RSF1: variants seen among roughly 807,000 people sequenced by gnomAD.
The protein encoded by RSF1 is HBV pX-associated protein 8.
A neutral mutation model predicts 145.2 loss-of-function variants in RSF1; 13 were observed. That is an observed-to-expected ratio of 0.09 (90% CI 0.06 to 0.14). The LOEUF is 0.14. Among genes scored for constraint, RSF1 ranks in the 10% least tolerant of loss-of-function variants. The probability of loss-of-function intolerance (pLI) is 1.00; values close to 1 mark genes in which losing one functional copy is unlikely to be tolerated. For synonymous variants in RSF1, 577 were observed against 592.6 expected, an observed-to-expected ratio of 0.97 and a Z score of 0.38; for missense variants, 1,517 against 1,718.2, an observed-to-expected ratio of 0.88 and a Z score of 2.07.
chr11:77,828,513 A>G, the RSF1 span, among the ~76,000 whole-genome samples: 7 of 151,588 alleles, frequency 4.6e-5, no homozygotes, highest in Non-Finnish European at 8.8e-5. Flanking sequence ...TAAAAATACA[A>G]AAACAAAATT....
At chr11:77,673,409 A>G (rs536062805) in intron 14 of RSF1, among the ~76,000 whole-genome samples, 1 of 152,330 alleles carries the variant, frequency 6.6e-6, no homozygotes, top group South Asian at 2.1e-4. Flanking sequence ...CAAGCTTGTT[A>G]TTCTTTTGTG....
the RSF1 span, among the ~76,000 whole-genome samples, chr11:77,836,078 G>A: frequency 6.6e-6 from 1 of 152,088 alleles, no homozygotes; most frequent in African/African-American, 2.4e-5. Flanking sequence ...TCTTGATGTT[G>A]TTGAGATAAC....
At chr11:77,755,372 T>A (rs1948105477) in intron 2 of RSF1, among the ~76,000 whole-genome samples, 1 of 152,152 alleles carries the variant, frequency 6.6e-6, no homozygotes, top group African/African-American at 2.4e-5. Context: ...GACCCCTGGA[T>A]TTATCAAGGT....
At position 77,716,629 on chromosome 11, in the gene RSF1, G is replaced by A. The variant is rs1240134871; in HGVS notation, c.733+8916C>T. 5.3e-5 allele frequency among the ~76,000 whole-genome samples: 8 copies of A among 152,122 alleles called. No homozygotes were observed. In the East Asian group the frequency reaches 5.8e-4, roughly 11 times the overall value. ...GGGACTGAAGGTGTGGGGAGATGCT[G>A]GTCAAAAGATAAAAACTTTCAGTTA... On this transcript the variant is annotated intron_variant, in intron 5 of 15. Transcript: ENST00000308488.
chr11:77,818,893 T>A (rs1328166732), intron 1 of RSF1, among the ~76,000 whole-genome samples: 1 of 152,266 alleles, frequency 6.6e-6, no homozygotes, highest in Non-Finnish European at 1.5e-5. Context: ...CTTTATATAA[T>A]GTAATTAGTC....
rs117545316 is a variant in RSF1, at chr11:77,767,187, T to C, written c.188-2498A>G. Reference sequence around the variant, plus strand: ...GTTGTATAAATATAAAATACTTTTATTTCTCTTCTGTTTTAAAACCAAGGT... The same window carrying C: ...GTTGTATAAATATAAAATACTTTTACTTCTCTTCTGTTTTAAAACCAAGGT... On this transcript the variant is annotated intron_variant, in intron 1 of 15. Coordinates refer to ENST00000308488, the MANE Select transcript of RSF1 (RefSeq NM_016578.4). 2.4e-4 allele frequency among the ~76,000 whole-genome samples: 36 copies of C among 152,334 alleles called. No individual in the cohort carries two copies. In the East Asian group the frequency reaches 6.4e-3, roughly 27 times the overall value.
At chr11:77,848,647 A>C in the RSF1 span, among the ~76,000 whole-genome samples, 1 of 152,210 alleles carries the variant, frequency 6.6e-6, no homozygotes, top group African/African-American at 2.4e-5. Flanking sequence ...AGTGTGAGCC[A>C]CCGTGCCTGG....
chr11:77,827,733 C>T, the RSF1 span, among the ~76,000 whole-genome samples: 3 of 152,080 alleles, frequency 2.0e-5, no homozygotes, highest in South Asian at 6.2e-4. Flanking sequence ...TTGCTATATC[C>T]ACTTACATTT....
chr11:77,781,365 T>A (rs1163985284), intron 1 of RSF1, among the ~76,000 whole-genome samples: 4 of 152,162 alleles, frequency 2.6e-5, no homozygotes, highest in African/African-American at 9.7e-5. Flanking sequence ...TTGCAAAATG[T>A]TAGAATTACA....
chr11:77,830,635 C>A, the RSF1 span, among the ~76,000 whole-genome samples: 1 of 151,974 alleles, frequency 6.6e-6, no homozygotes, highest in Non-Finnish European at 1.5e-5. Context: ...CGCGTTTGCC[C>A]CCCTTTATTC....
rs377229559 is a variant in RSF1 at position 77,666,914 on chromosome 11, G to C, written c.*3C>G. The C allele has an allele frequency of 2.5e-5, 39 of 1,529,418 alleles. No individual in the cohort carries two copies. The highest frequency in any genetic ancestry group is 1.8e-4 in the African/African-American group (13 of 72,398). 94.7% of individuals were successfully genotyped at this position (1,529,418 alleles called of 1,614,324 possible). A position where few individuals can be genotyped will look rare whatever the true frequency, so the allele number is the denominator to read the frequency against. On this transcript the variant is annotated 3_prime_UTR_variant, in exon 16 of 16. Coordinates refer to ENST00000308488, the MANE Select transcript of RSF1 (RefSeq NM_016578.4). ...AAATTAGCACAAAAATGGAAAAAAA[G>C]TCTTATAACTGTTCACTGTTACAGA...
chr11:77,736,738 C>T (rs962674893), intron 4 of RSF1, among the ~76,000 whole-genome samples: 4 of 152,070 alleles, frequency 2.6e-5, no homozygotes, highest in Non-Finnish European at 2.9e-5. Context: ...AATTACCATC[C>T]GTCCCCAGAA....
intron 5 of RSF1, among the ~76,000 whole-genome samples, chr11:77,719,340 A>G (rs774780736): frequency 5.3e-5 from 8 of 152,230 alleles, no homozygotes; most frequent in Non-Finnish European, 8.8e-5. Context: ...TTATTCCAAA[A>G]TTGATAAAGA....
chr11:77,793,973 A>C (rs940229908), intron 1 of RSF1, among the ~76,000 whole-genome samples: 1 of 152,352 alleles, frequency 6.6e-6, no homozygotes, highest in Non-Finnish European at 1.5e-5. Context: ...GGATGAATCC[A>C]GCAAAAGGAT....
At chr11:77,733,938 A>G (rs970508162) in intron 4 of RSF1, among the ~76,000 whole-genome samples, 3 of 152,168 alleles carry the variant, frequency 2.0e-5, no homozygotes, top group Non-Finnish European at 4.4e-5. Flanking sequence ...ATCATATTTG[A>G]TTAGATGTAA....
At chr11:77,821,548 C>G (rs1590910995), upstream of RSF1, among the ~76,000 whole-genome samples, 5 of 152,044 alleles carry the variant, frequency 3.3e-5, no homozygotes, top group South Asian at 1.0e-3. Context: ...TGGGGCCCTG[C>G]TGGGAGAAGA....
the RSF1 span, among the ~76,000 whole-genome samples, chr11:77,831,213 A>C: frequency 6.6e-6 from 1 of 152,174 alleles, no homozygotes; most frequent in East Asian, 1.9e-4. Context: ...GGTGTTGACA[A>C]GGATATGGAG....
chr11:77,749,279 G>A (rs1590865779), intron 2 of RSF1, among the ~76,000 whole-genome samples: 2 of 152,090 alleles, frequency 1.3e-5, no homozygotes, highest in Non-Finnish European at 2.9e-5. Flanking sequence ...ACACTAAATT[G>A]TTTAAACGGT....
At chr11:77,698,999 T>G (rs1463458308) in intron 6 of RSF1, among the ~76,000 whole-genome samples, 2 of 152,210 alleles carry the variant, frequency 1.3e-5, no homozygotes, top group Admixed American at 1.3e-4. Flanking sequence ...TTTTATCTAA[T>G]CCTCTACTAG....
Sources: allele counts gnomAD v4.1 joint callset (sites outside exome capture counted in the v4.1 genomes callset), GRCh38; gene constraint gnomAD v4.1.1; transcripts MANE v1.5; gene names NCBI Gene and HGNC (gene_info 2026-07-23, HGNC 2026-07-21).